GMDS: variants seen among roughly 807,000 people sequenced by gnomAD.
GMDS encodes GDP-mannose 4,6-dehydratase.
In GMDS, 20 loss-of-function variants were observed where a neutral mutation model predicts 49.9. The ratio of observed to expected loss-of-function variants is 0.40; its 90% CI spans 0.28 to 0.58. The LOEUF (loss-of-function observed/expected upper bound fraction) is 0.58. Ranked by LOEUF, GMDS falls within the 20% of genes least tolerant of loss-of-function variation. The pLI, the probability that GMDS is intolerant of heterozygous loss-of-function variation, is 0.42. For missense variants in GMDS, 362 were observed against 481.4 expected, an observed-to-expected ratio of 0.75 and a Z score of 2.32; for synonymous variants, 177 against 178.6, an observed-to-expected ratio of 0.99 and a Z score of 0.07.
chr6:1,915,457 G>A (rs949238648), intron 7 of GMDS, among the ~76,000 whole-genome samples: 3 of 152,224 alleles, frequency 2.0e-5, no homozygotes, highest in Non-Finnish European at 4.4e-5. Flanking sequence ...GCCCAGGGCC[G>A]GCACGGTGCA....
intron 9 of GMDS, among the ~76,000 whole-genome samples, chr6:1,721,976 A>T (rs957867330): frequency 2.7e-5 from 4 of 150,412 alleles, no homozygotes; most frequent in Non-Finnish European, 5.9e-5. Flanking sequence ...TTCATTATCC[A>T]TTTTTGGCTG....
intron 4 of GMDS, among the ~76,000 whole-genome samples, chr6:1,990,756 G>GTT (rs1244137013): frequency 6.8e-6 from 1 of 146,042 alleles, no homozygotes; most frequent in Non-Finnish European, 1.5e-5. Context: ...TTTTTTTTTT[G>GTT]GGGGGGTAGA....
At chr6:2,099,507 A>G (rs1773802738) in intron 4 of GMDS, among the ~76,000 whole-genome samples, 1 of 152,114 alleles carries the variant, frequency 6.6e-6, no homozygotes, top group South Asian at 2.1e-4. Flanking sequence ...CATGCCTCAG[A>G]ATCATTTCAT....
At chr6:1,900,680 T>C (rs1163340760) in intron 7 of GMDS, among the ~76,000 whole-genome samples, 5 of 152,226 alleles carry the variant, frequency 3.3e-5, no homozygotes, top group African/African-American at 4.8e-5. Context: ...CAGTTTGGCA[T>C]AGTGAAAAGG....
At chr6:2,136,851 T>A (rs1776028717) in intron 1 of GMDS, among the ~76,000 whole-genome samples, 4 of 148,306 alleles carry the variant, frequency 2.7e-5, no homozygotes, top group Non-Finnish European at 5.9e-5. Context: ...TGCAGTGAAC[T>A]ATGACCAGGC....
chr6:1,919,911 C>T (rs1178992014), intron 7 of GMDS, among the ~76,000 whole-genome samples: 2 of 152,154 alleles, frequency 1.3e-5, no homozygotes, highest in African/African-American at 2.4e-5. Context: ...CACTACAAAG[C>T]CATCAATTAT....
chr6:1,878,090 G>T (rs1489052706), intron 7 of GMDS, among the ~76,000 whole-genome samples: 3 of 152,098 alleles, frequency 2.0e-5, no homozygotes, highest in Admixed American at 6.5e-5. Flanking sequence ...GAGGTGGGCA[G>T]ATCACGAAGT....
rs576670899 is a variant in GMDS, at chr6:1,878,985, G to A, written c.771+51118C>T. ...GTTTCTTTGTTACACAGTGGGCCCA[G>A]TGAAGGCAGAGGCTCTGCTGTATTC... On this transcript the variant is annotated intron_variant, in intron 7 of 10. Transcript: ENST00000380815. 2.0e-5 allele frequency among the ~76,000 whole-genome samples: 3 copies of A among 152,310 alleles called. No individual in the cohort carries two copies. In the South Asian group the frequency reaches 6.2e-4, roughly 32 times the overall value.
chr6:2,117,157 T>C (rs1774890783), intron 3 of GMDS, among the ~76,000 whole-genome samples: 2 of 152,180 alleles, frequency 1.3e-5, no homozygotes, highest in African/African-American at 4.8e-5. Context: ...ACTGCCAGTG[T>C]GGAACTGCTC....
intron 1 of GMDS, among the ~76,000 whole-genome samples, chr6:2,131,544 G>A (rs1775738527): frequency 6.6e-6 from 1 of 152,124 alleles, no homozygotes; most frequent in African/African-American, 2.4e-5. Context: ...TTACAATGGA[G>A]TCCAAGATAA....
rs181921515 is a variant in GMDS, at chr6:1,760,035, G to A, written c.772-17449C>T. On this transcript the variant is annotated intron_variant, in intron 7 of 10. Transcript: ENST00000380815. ...AGGAAAGGGCTGAGCACCCAGGCGT[G>A]AGACTGTCACCGGGGCGGAGCCAGC... is the stretch of plus-strand genomic sequence containing the variant. 6.7e-4 allele frequency among the ~76,000 whole-genome samples: 102 copies of A among 152,302 alleles called. 1 individual carries two copies. In the East Asian group the frequency reaches 8.5e-3, roughly 13 times the overall value.
In GMDS at chr6:1,967,811, A is replaced by G. The variant is rs1581435939; in HGVS notation, c.346-6845T>C. On this transcript the variant is annotated intron_variant, in intron 4 of 10. Coordinates refer to ENST00000380815, the MANE Select transcript of GMDS (RefSeq NM_001500.4). ...TCAAACATAAAGTTAATTTATCAACATTCAAAGATACAAACAGATACCCAA... is the reference window on the plus strand; with the variant it reads ...TCAAACATAAAGTTAATTTATCAACGTTCAAAGATACAAACAGATACCCAA... 5.9e-5 allele frequency among the ~76,000 whole-genome samples: 9 copies of G among 152,380 alleles called. No homozygotes were observed. The South Asian group carries it at 1.9e-3, about 32-fold the overall frequency.
In GMDS at chr6:1,999,959, TTATATATATATTATATATATATTTTA is replaced by T. The variant is rs1339649261; in HGVS notation, c.346-39019_346-38994del. Among the ~76,000 whole-genome samples, 94 of 12,530 alleles carry T rather than the reference TTATATATATATTATATATATATTTTA, an allele frequency of 7.5e-3. 12 individuals carry two copies. The highest frequency in any genetic ancestry group is 0.02 in the African/African-American group (93 of 4,662). The allele number at this position is 12,530 out of a possible 152,430, so 8.2% of individuals were successfully genotyped here. ...TTATATATAATATATAATATGTATA[TTATATATATATTATATATATATTTTA>T]TATATATATATTATATATATATATT... On this transcript the variant is annotated intron_variant, in intron 4 of 10. Coordinates refer to ENST00000380815, the MANE Select transcript of GMDS (RefSeq NM_001500.4).
chr6:1,776,394 A>T (rs1768835070), intron 7 of GMDS, among the ~76,000 whole-genome samples: 1 of 152,142 alleles, frequency 6.6e-6, no homozygotes, highest in South Asian at 2.1e-4. Flanking sequence ...GTTTTCAAAA[A>T]ATGGTCTGTG....
intron 4 of GMDS, among the ~76,000 whole-genome samples, chr6:2,019,802 T>C (rs1768157259): frequency 6.6e-6 from 1 of 152,188 alleles, no homozygotes. Context: ...GGGTGTTTTA[T>C]TTTTTCAAAT....
intron 7 of GMDS, among the ~76,000 whole-genome samples, chr6:1,923,307 C>T (rs1761822396): frequency 6.6e-6 from 1 of 152,220 alleles, no homozygotes; most frequent in Admixed American, 6.5e-5. Flanking sequence ...AAAAAGCTGT[C>T]ACACTGGCCC....
chr6:1,922,731 G>A (rs567811646), intron 7 of GMDS, among the ~76,000 whole-genome samples: 115 of 152,332 alleles, frequency 7.5e-4, no homozygotes, highest in African/African-American at 2.7e-3. Flanking sequence ...TTGGAAGAGA[G>A]ATGGCTTGAC....
At chr6:1,922,604 C>T (rs565869673) in intron 7 of GMDS, among the ~76,000 whole-genome samples, 10 of 152,116 alleles carry the variant, frequency 6.6e-5, no homozygotes, top group Non-Finnish European at 1.2e-4. Flanking sequence ...TCAAAACTAC[C>T]GATAGCCCGT....
chr6:1,953,214 C>T (rs1356346827), intron 6 of GMDS, among the ~76,000 whole-genome samples: 2 of 152,068 alleles, frequency 1.3e-5, no homozygotes, highest in Non-Finnish European at 2.9e-5. Context: ...TCCTCCAGGA[C>T]GTGGACCCTA....
Sources: gnomAD v4.1 joint callset for allele counts (sites outside exome capture counted in the v4.1 genomes callset) on GRCh38, gnomAD v4.1.1 for gene constraint, MANE v1.5 for transcripts, NCBI Gene and HGNC (gene_info 2026-07-23, HGNC 2026-07-21) for gene names.